The following NAALADL2 variants were observed in gnomAD, a reference collection of about 807,000 sequenced individuals.
NAALADL2 encodes the protein inactive N-acetylated-alpha-linked acidic dipeptidase-like protein 2.
Under a neutral mutation model 87.2 loss-of-function variants are expected in NAALADL2, and 76 were observed. That is an observed-to-expected ratio of 0.87 (90% CI 0.72 to 1.05). The LOEUF (loss-of-function observed/expected upper bound fraction) is 1.05, where lower values mean the gene tolerates loss of function less well. Ranked by LOEUF, NAALADL2 falls within the 50% of genes least tolerant of loss-of-function variation. The pLI, the probability that NAALADL2 is intolerant of heterozygous loss-of-function variation, is 0.00. For missense variants in NAALADL2, 1,089 were observed against 945.8 expected (o/e 1.15, Z -1.99); for synonymous variants, 354 against 331.0 (o/e 1.07, Z -0.75).
At chr3:174,709,764 A>C (rs1219164006) in intron 2 of NAALADL2, among the ~76,000 whole-genome samples, 1 of 152,164 alleles carries the variant, frequency 6.6e-6, no homozygotes, top group African/African-American at 2.4e-5. Context: ...TACCTCCTGG[A>C]ACTTTTCAGT....
At chr3:175,590,458 G>C in intron 10 of NAALADL2, among the ~76,000 whole-genome samples, 1 of 151,376 alleles carries the variant, frequency 6.6e-6, no homozygotes, top group East Asian at 1.9e-4. Context: ...ATATGGTATA[G>C]AGGTTACTTT....
chr3:175,753,376 A>G (rs889321120), intron 12 of NAALADL2, among the ~76,000 whole-genome samples: 4 of 151,996 alleles, frequency 2.6e-5, no homozygotes, highest in Admixed American at 6.6e-5. Flanking sequence ...ACATAATTTT[A>G]TTTGTTATCA....
intron 4 of NAALADL2, among the ~76,000 whole-genome samples, chr3:175,284,317 A>G (rs1196294131): frequency 1.3e-5 from 2 of 151,974 alleles, no homozygotes; most frequent in Non-Finnish European, 2.9e-5. Flanking sequence ...ATACTGACAA[A>G]AGATGCTATA....
intron 3 of NAALADL2, among the ~76,000 whole-genome samples, chr3:174,823,249 T>C (rs143560629): frequency 0.013 from 1,964 of 152,280 alleles, 47 homozygotes; most frequent in African/African-American, 0.046. Context: ...TCTTTTTTTT[T>C]TCTTGTAAAG....
chr3:175,181,777 A>G (rs60080471), intron 2 of NAALADL2, among the ~76,000 whole-genome samples: 3,411 of 57,856 alleles, frequency 0.059, 316 homozygotes, highest in East Asian at 0.15. Flanking sequence ...GTGTGTATAT[A>G]TGTATATATA....
At chr3:175,539,897 T>C (rs573629579) in intron 9 of NAALADL2, among the ~76,000 whole-genome samples, 1 of 152,324 alleles carries the variant, frequency 6.6e-6, no homozygotes, top group East Asian at 1.9e-4. Context: ...ATATCATCCA[T>C]GTGCAGGTAT....
At chr3:175,442,468 C>T (rs772503663) in intron 5 of NAALADL2, among the ~76,000 whole-genome samples, 6 of 152,156 alleles carry the variant, frequency 3.9e-5, no homozygotes, top group Non-Finnish European at 7.3e-5. Flanking sequence ...ATTTCACCCA[C>T]AGTAACTTTG....
chr3:175,437,558 T>C (rs1397298548), intron 5 of NAALADL2, among the ~76,000 whole-genome samples: 2 of 145,144 alleles, frequency 1.4e-5, no homozygotes, highest in Non-Finnish European at 3.0e-5. Context: ...GCCATCCCCA[T>C]CAAGCTACCA....
intron 1 of NAALADL2, among the ~76,000 whole-genome samples, chr3:174,545,927 A>G (rs1040653123): frequency 2.7e-5 from 4 of 150,628 alleles, no homozygotes; most frequent in Non-Finnish European, 5.9e-5. Context: ...TATATTTTAT[A>G]TATTTATATT....
At chr3:175,563,469 T>G (rs1189499150) in intron 9 of NAALADL2, among the ~76,000 whole-genome samples, 1 of 152,224 alleles carries the variant, frequency 6.6e-6, no homozygotes, top group African/African-American at 2.4e-5. Context: ...TCCTGCACTT[T>G]GGCACTCCGA....
At chr3:175,367,384 G>A (rs62287969) in intron 5 of NAALADL2, among the ~76,000 whole-genome samples, 36,062 of 147,160 alleles carry the variant, frequency 0.25, 5,014 homozygotes, top group East Asian at 0.48. Context: ...AGTTGTTTCC[G>A]ATTCTGTGAA....
chr3:175,064,025 T>C (rs1192298700), intron 1 of NAALADL2, among the ~76,000 whole-genome samples: 2 of 152,064 alleles, frequency 1.3e-5, no homozygotes, highest in Non-Finnish European at 2.9e-5. Flanking sequence ...GGTAAAACAA[T>C]GTGAAGTTCA....
chr3:175,278,750 G>A (rs1189214955), intron 4 of NAALADL2, among the ~76,000 whole-genome samples: 1 of 152,122 alleles, frequency 6.6e-6, no homozygotes, highest in Non-Finnish European at 1.5e-5. Context: ...AACTGAGGGA[G>A]GGCCTCAGTG....
intron 1 of NAALADL2, among the ~76,000 whole-genome samples, chr3:175,056,784 G>A (rs775349525): frequency 4.6e-5 from 7 of 152,326 alleles, no homozygotes; most frequent in Non-Finnish European, 7.3e-5. Flanking sequence ...ATCTGCAGCA[G>A]GAGCATATCC....
Position 174,720,721 on chromosome 3 carries a change from A to G in NAALADL2, c.-114-16920A>G, listed in dbSNP as rs1731637086. On this transcript the variant is annotated intron_variant, in intron 2 of 3. Transcript: ENST00000434257. ...GGACAGCTGTTGTTCCTTAATTGTG[A>G]GTAGATTAATAAAATGCAGTTTTTA... Among the ~76,000 whole-genome samples the G allele has an allele frequency of 3.3e-5, 5 of 152,328 alleles. No individual in the cohort carries two copies. In the South Asian group the frequency reaches 1.0e-3, roughly 32 times the overall value.
intron 13 of NAALADL2, among the ~76,000 whole-genome samples, chr3:175,767,969 C>G (rs767935251): frequency 2.0e-5 from 3 of 152,130 alleles, no homozygotes; most frequent in African/African-American, 7.2e-5. Context: ...TACTGCACTT[C>G]GAAAAATGTT....
chr3:175,737,786 A>G (rs1335900125), intron 12 of NAALADL2, among the ~76,000 whole-genome samples: 2 of 135,032 alleles, frequency 1.5e-5, no homozygotes, highest in Non-Finnish European at 3.1e-5. Flanking sequence ...ATTGGCCCAG[A>G]AGTTTCTCTT....
chr3:174,750,215 A>G (rs1036325059), intron 3 of NAALADL2, among the ~76,000 whole-genome samples: 2 of 152,160 alleles, frequency 1.3e-5, no homozygotes, highest in African/African-American at 4.8e-5. Context: ...AAGAATGGGC[A>G]CTATATAGCA....
intron 2 of NAALADL2, among the ~76,000 whole-genome samples, chr3:174,669,084 G>T (rs1288998908): frequency 6.6e-6 from 1 of 152,076 alleles, no homozygotes; most frequent in African/African-American, 2.4e-5. Context: ...AGCACCTGTT[G>T]TTTCCTGACT....
Sources: allele counts gnomAD v4.1 joint callset (sites outside exome capture counted in the v4.1 genomes callset), GRCh38; gene constraint gnomAD v4.1.1; transcripts MANE v1.5; gene names NCBI Gene and HGNC (gene_info 2026-07-23, HGNC 2026-07-21).